The following ADAM8 variants were observed in gnomAD, a reference collection of about 807,000 sequenced individuals.
The protein encoded by ADAM8 is disintegrin and metalloproteinase domain-containing protein 8.
Under a neutral mutation model 102.4 loss-of-function variants are expected in ADAM8, and 104 were observed. The ratio of observed to expected loss-of-function variants is 1.02; its 90% CI spans 0.87 to 1.20. The LOEUF (loss-of-function observed/expected upper bound fraction) is 1.20, where lower values mean the gene tolerates loss of function less well. ADAM8 is among the 50% of genes most tolerant of loss of function. The pLI is 0.00. For synonymous variants in ADAM8, 517 were observed against 485.2 expected (o/e 1.07, Z -0.86); for missense variants, 1,132 against 1,159.0 (o/e 0.98, Z 0.34).
intron 17 of ADAM8, among the ~76,000 whole-genome samples, 174 bp from the exon 18 acceptor site, chr10:133,269,703 G>A (rs928722996): frequency 3.3e-5 from 5 of 152,218 alleles, no homozygotes; most frequent in African/African-American, 1.2e-4. Context: ...GCTGCCCGGT[G>A]ACCATGCAGG....
intron 18 of ADAM8, 84 bp downstream of exon 18, chr10:133,269,361 C>T (rs1032347177): frequency 7.3e-6 from 10 of 1,369,162 alleles, no homozygotes; most frequent in Admixed American, 3.0e-5. Flanking sequence ...ACCAGCTTCC[C>T]GGGCCCGCGG....
At chr10:133,270,095 C>T in intron 16 of ADAM8, 121 bp from the exon 17 acceptor site, 1 of 1,261,012 alleles carries the variant, frequency 7.9e-7, no homozygotes, top group African/African-American at 1.5e-5. Context: ...GGCTGTGCTT[C>T]AGCCCATCTG....
chr10:133,273,354 TCAGCCTGGTACACGGCGTG>T lies in ADAM8; in HGVS notation c.454_472del (p.His152SerfsTer73), dbSNP rs1846621795. 3 of 1,565,078 alleles carry T rather than the reference TCAGCCTGGTACACGGCGTG, an allele frequency of 1.9e-6. No individual in the cohort carries two copies. ...GGTCCCGGCCGTCTGCAGCAGGTGC[TCAGCCTGGTACACGGCGTG>T]CCGTCCGCCCTCGCCACCTTCATCC... is the stretch of plus-strand genomic sequence containing the variant. On this transcript the variant is annotated frameshift_variant, in exon 6 of 23. Transcript: ENST00000445355. LOFTEE classifies it high-confidence loss of function.
At chr10:133,275,138 C>G (rs73392648) in intron 2 of ADAM8, 119 of 352,110 alleles carry the variant, frequency 3.4e-4, no homozygotes, top group South Asian at 1.0e-3. Flanking sequence ...GGCCCCCCCC[C>G]CAACACAGGA....
chr10:133,265,546 C>G (rs1395980487), intron 21 of ADAM8, among the ~76,000 whole-genome samples: 3 of 152,126 alleles, frequency 2.0e-5, no homozygotes, highest in Admixed American at 2.0e-4. Context: ...AATCCCAGCA[C>G]TTTGGGAGGC....
chr10:133,270,788 C>A lies in ADAM8; in HGVS notation c.1582G>T (p.Glu528Ter). 6.2e-7 allele frequency: 1 copy of A among 1,606,570 alleles called. No homozygotes were observed. The highest frequency in any genetic ancestry group is 8.5e-7 in the Non-Finnish European group (1 of 1,175,988). ...FWGPGGQAAE[E>*]SCFSYDILPG... ...AGGATGTCATAGGAGAAGCAGGACT[C>A]CTCGGCAGCCTGCCCACCTGTGGGA... The change falls in exon 15 of 23, where the codon GAG becomes TAG. Residue 528 changes from glutamate to a stop codon, truncating the protein, a stop_gained. Transcript: ENST00000445355. LOFTEE classifies it high-confidence loss of function.
chr10:133,267,431 G>A lies in ADAM8; in HGVS notation c.2254-14C>T, dbSNP rs1256431040. ...AGTGACCGGAGGCTGGAGGAGACAG[G>A]GCCGAGAGCCTGGGTCAGAGCTGGG... is the stretch of plus-strand genomic sequence containing the variant. On this transcript the variant is annotated splice_polypyrimidine_tract_variant and intron_variant, in intron 20 of 22. Coordinates refer to ENST00000445355, the MANE Select transcript of ADAM8 (RefSeq NM_001109.5). 2 of 1,603,818 alleles carry A rather than the reference G, an allele frequency of 1.2e-6. No homozygotes were observed. The highest frequency in any genetic ancestry group is 1.7e-6 in the Non-Finnish European group (2 of 1,176,752).
At chr10:133,267,795 G>A in intron 20 of ADAM8, 134 bp downstream of exon 20, 1 of 959,186 alleles carries the variant, frequency 1.0e-6, no homozygotes, top group Non-Finnish European at 1.4e-6. Flanking sequence ...AGCTGCTCTG[G>A]GCCTCGGGGC....
In ADAM8 at chr10:133,273,773, ACAGGTGCTGAG is replaced by A; in HGVS notation, c.361_371del (p.Leu121CysfsTer21). 6.5e-7 allele frequency: 1 copy of A among 1,547,418 alleles called. No homozygotes were observed. The highest frequency in any genetic ancestry group is 8.7e-7 in the Non-Finnish European group (1 of 1,146,360). The stretch of plus-strand genomic sequence containing the variant: ...TCCGCCACACCCACCTGAGGCCGGC[ACAGGTGCTGAG>A]GCTGGCGGCTGAGTCCGGGTACCCC... On this transcript the variant is annotated frameshift_variant, in exon 5 of 23. Transcript: ENST00000445355. LOFTEE classifies it high-confidence loss of function.
At chr10:133,269,303 A>G (rs1044347637) in intron 18 of ADAM8, 142 bp downstream of exon 18, 21 of 1,265,660 alleles carry the variant, frequency 1.7e-5, no homozygotes, top group East Asian at 2.6e-5. Context: ...GGCTCTGCCT[A>G]TACCTGTGTG....
Position 133,273,336 on chromosome 10 carries a change from G to T in ADAM8, c.491C>A (p.Ala164Asp). Residue 164 changes from alanine to aspartate, a missense_variant, in exon 6 of 23, where the codon GCC (alanine) becomes GAC (aspartate). Ala to Asp is a moderately radical substitution (Grantham distance 126, BLOSUM62 -2). Coordinates refer to ENST00000445355, the MANE Select transcript of ADAM8 (RefSeq NM_001109.5). ...VYQAEHLLQT[A>D]GTCGVSDDSL... ...GTCGTCGCTGACCCCGCAGGTCCCG[G>T]CCGTCTGCAGCAGGTGCTCAGCCTG... 1 of 1,572,906 alleles carries T rather than the reference G, an allele frequency of 6.4e-7. No individual in the cohort carries two copies. The highest frequency in any genetic ancestry group is 8.6e-7 in the Non-Finnish European group (1 of 1,160,058).
At position 133,271,943 on chromosome 10, in the gene ADAM8, C is replaced by A; in HGVS notation, c.969G>T (p.Lys323Asn). 1 of 1,611,138 alleles carries A rather than the reference C, an allele frequency of 6.2e-7. No homozygotes were observed. The highest frequency in any genetic ancestry group is 1.1e-5 in the South Asian group (1 of 91,064). The change falls in exon 11 of 23, where the codon AAG (lysine) becomes AAT (asparagine). Residue 323 changes from lysine to asparagine, a missense_variant. Lys to Asn is a moderately conservative substitution (Grantham distance 94). Coordinates refer to ENST00000445355, the MANE Select transcript of ADAM8 (RefSeq NM_001109.5). ...TGGTACAGGCCACGCCCACGGGGTT[C>A]TTGCTGTGGTCCTGCAGGAGGGTCT... Reference protein sequence around the residue: ...SSGAVNQDHSKNPVGVACTMA... With the variant: ...SSGAVNQDHSNNPVGVACTMA...
At position 133,273,251 on chromosome 10, in the gene ADAM8, C is replaced by A; in HGVS notation, c.573+3G>T. 1 of 1,601,634 alleles carries A rather than the reference C, an allele frequency of 6.2e-7. No homozygotes were observed. The highest frequency in any genetic ancestry group is 1.1e-5 in the South Asian group (1 of 90,022). On this transcript the variant is annotated splice_donor_region_variant and intron_variant, in intron 6 of 22. Coordinates refer to ENST00000445355, the MANE Select transcript of ADAM8 (RefSeq NM_001109.5). ...GCCAAACACAGGAGACAAGGGTGCT[C>A]ACCCCGGGCCGAGGCCTGAAGACGG...
At chr10:133,267,800 C>T (rs1345700523) in intron 20 of ADAM8, 129 bp downstream of exon 20, 18 of 1,012,164 alleles carry the variant, frequency 1.8e-5, no homozygotes, top group Non-Finnish European at 2.4e-5. Context: ...CTCTGGGCCT[C>T]GGGGCCACCG....
Position 133,272,259 on chromosome 10 carries a change from G to C in ADAM8, c.891C>G (p.Thr297=), listed in dbSNP as rs757179676. Residue 297 remains threonine, a synonymous_variant, in exon 10 of 23, where the codon ACC becomes ACG. Transcript: ENST00000445355. ...NVQLITGVDF[T]GTTVGFARVS... is the part of the protein sequence containing the mutation. ...CCCTGGCAAACCCCACGGTAGTCCC[G>C]GTGAAGTCGACACCCCTGGAAGTGG... 114 of 1,537,504 alleles carry C rather than the reference G, an allele frequency of 7.4e-5. No individual in the cohort carries two copies. In the Admixed American group the frequency reaches 2.2e-3, roughly 30 times the overall value.
In ADAM8 at chr10:133,273,402, G is replaced by A; in HGVS notation, c.425C>T (p.Pro142Leu). 4.5e-6 allele frequency: 7 copies of A among 1,548,984 alleles called. No individual in the cohort carries two copies. Among genetic ancestry groups the A allele is most frequent in the African/African-American group, 1.4e-5 (1 of 73,162 alleles). The change falls in exon 6 of 23, where the codon CCC (proline) becomes CTC (leucine). Residue 142 changes from proline to leucine, a missense_variant. Pro to Leu is a moderately conservative substitution (Grantham distance 98, BLOSUM62 -3). Transcript: ENST00000445355. ...QVGSDLHLIE[P>L]LDEGGEGGRH... ...TCCGCCCTCGCCACCTTCATCCAGGGGCTCGATCAGGTGCAGGTCTGACCC... is the reference window on the plus strand; with the variant it reads ...TCCGCCCTCGCCACCTTCATCCAGGAGCTCGATCAGGTGCAGGTCTGACCC...
rs367576649 is a variant in ADAM8, at chr10:133,276,864, G to T, written c.-47C>A. On this transcript the variant is annotated 5_prime_UTR_variant, in exon 1 of 23. Coordinates refer to ENST00000445355, the MANE Select transcript of ADAM8 (RefSeq NM_001109.5). ...CGGAGGTGACAGCCCCGCGGGACAC[G>T]GTCTGGTTCCTGCGCTCCTGGCCCG... The T allele has an allele frequency of 8.0e-6, 12 of 1,500,148 alleles. No individual in the cohort carries two copies. In the African/African-American group the frequency reaches 1.3e-4, roughly 16 times the overall value. 92.9% of individuals were successfully genotyped at this position (1,500,148 alleles called of 1,614,324 possible).
chr10:133,268,588 T>C, intron 19 of ADAM8, among the ~76,000 whole-genome samples, 160 bp downstream of exon 19: 1 of 152,124 alleles, frequency 6.6e-6, no homozygotes, highest in East Asian at 1.9e-4. Flanking sequence ...AGGAAGGCCC[T>C]TCAAACTCAG....
chr10:133,264,176 C>T (rs1382656403), intron 21 of ADAM8, among the ~76,000 whole-genome samples: 1 of 151,604 alleles, frequency 6.6e-6, no homozygotes, highest in African/African-American at 2.4e-5. Context: ...ATCCTCCCGC[C>T]TCAGCCTCCT....
Sources: allele counts gnomAD v4.1 joint callset (sites outside exome capture counted in the v4.1 genomes callset), GRCh38; gene constraint gnomAD v4.1.1; transcripts MANE v1.5; gene names NCBI Gene and HGNC (gene_info 2026-07-23, HGNC 2026-07-21).